The following OR2T4 variants were observed in gnomAD, a reference collection of about 807,000 sequenced individuals.
OR2T4 encodes olfactory receptor family 2 subfamily T member 4, also known as olfactory receptor 2T4.
For synonymous variants in OR2T4, 149 were observed against 145.6 expected, an observed-to-expected ratio of 1.02 and a Z score of -0.17; for missense variants, 374 against 395.6, an observed-to-expected ratio of 0.95 and a Z score of 0.46.
At position 248,362,055 on chromosome 1, in the gene OR2T4, T is replaced by G. The variant is rs1226140208; in HGVS notation, c.391T>G (p.Cys131Gly). 1 of 1,614,050 alleles carries G rather than the reference T, an allele frequency of 6.2e-7. No individual in the cohort carries two copies. Among genetic ancestry groups the G allele is most frequent in the Non-Finnish European group, 8.5e-7 (1 of 1,180,034 alleles). Residue 131 changes from cysteine to glycine, a missense_variant, in exon 1 of 1, where the codon TGC becomes GGC. By Grantham distance (159) the Cys-to-Gly change is radical. Coordinates refer to ENST00000366473, the MANE Select transcript of OR2T4 (RefSeq NM_001004696.2). ...TMAYDRYVAI[C>G]HPLRYPVLMN... ...GGCCTATGACCGCTACGTGGCCATC[T>G]GCCATCCTCTCCGTTACCCTGTCCT... is the stretch of plus-strand genomic sequence containing the variant.
chr1:248,361,893 T>C lies in OR2T4; in HGVS notation c.229T>C (p.Tyr77His), dbSNP rs752112500. The change falls in exon 1 of 1, where the codon TAC becomes CAC. Residue 77 changes from tyrosine to histidine, a missense_variant. Coordinates refer to ENST00000366473, the MANE Select transcript of OR2T4 (RefSeq NM_001004696.2). ...ISQLSLMDMA[Y>H]ISVTVPKMLL... The stretch of plus-strand genomic sequence containing the variant: ...TCAATTGTCTCTCATGGACATGGCG[T>C]ACATTTCTGTCACTGTGCCCAAGAT... 6.2e-7 allele frequency: 1 copy of C among 1,614,152 alleles called. No individual in the cohort carries two copies.
In OR2T4 at chr1:248,362,355, G is replaced by C. The variant is rs28718027; in HGVS notation, c.691G>C (p.Gly231Arg). The change falls in exon 1 of 1, where the codon GGG becomes CGG. Residue 231 changes from glycine to arginine, a missense_variant. Coordinates refer to ENST00000366473, the MANE Select transcript of OR2T4 (RefSeq NM_001004696.2). ...TTTACTCATCCTCCTCACCATCCAC[G>C]GGATGAACTCAGCAGAGGGCCGGAA... ...SYLLILLTIH[G>R]MNSAEGRKKA... 5 of 1,613,636 alleles carry C rather than the reference G, an allele frequency of 3.1e-6. No individual in the cohort carries two copies. In the South Asian group the frequency reaches 5.5e-5, roughly 18 times the overall value.
At position 248,362,550 on chromosome 1, in the gene OR2T4, CTT is replaced by C; in HGVS notation, c.887_888del (p.Leu296GlnfsTer3). 6.2e-7 allele frequency: 1 copy of C among 1,614,126 alleles called. No homozygotes were observed. Among genetic ancestry groups the C allele is most frequent in the African/African-American group, 1.3e-5 (1 of 75,034 alleles). ...TPVVNPLIYS[L>X]RNKDVMGALK... ...AGTGGTGAACCCTTTAATCTATAGT[CTT>C]AGGAATAAGGATGTCATGGGGGCTC... On this transcript the variant is annotated frameshift_variant, in exon 1 of 1. Transcript: ENST00000366473. LOFTEE classifies it low-confidence loss of function (END_TRUNC).
At position 248,362,525 on chromosome 1, in the gene OR2T4, A is replaced by T. The variant is rs779415898; in HGVS notation, c.861A>T (p.Pro287=). 1 of 1,614,194 alleles carries T rather than the reference A, an allele frequency of 6.2e-7. No homozygotes were observed. Among genetic ancestry groups the T allele is most frequent in the South Asian group, 1.1e-5 (1 of 91,082 alleles). The change falls in exon 1 of 1, where the codon CCA becomes CCT. Residue 287 remains proline (P), a synonymous_variant. Transcript: ENST00000366473. Reference sequence around the variant, plus strand: ...CTGTCTTCTATACCATCCTCACTCCAGTGGTGAACCCTTTAATCTATAGTC... The same window carrying T: ...CTGTCTTCTATACCATCCTCACTCCTGTGGTGAACCCTTTAATCTATAGTC... ...MVSVFYTILT[P]VVNPLIYSLR... is the part of the protein sequence containing the mutation.
In OR2T4 at chr1:248,362,586, A is replaced by G. The variant is rs201310603; in HGVS notation, c.922A>G (p.Met308Val). ...NKDVMGALKKMLTVEPAFQKA... is the reference protein window; with the variant it reads ...NKDVMGALKKVLTVEPAFQKA... ...GGATGTCATGGGGGCTCTGAAGAAAATGTTAACAGTGGAACCTGCCTTTCA... is the reference window on the plus strand; with the variant it reads ...GGATGTCATGGGGGCTCTGAAGAAAGTGTTAACAGTGGAACCTGCCTTTCA... The change falls in exon 1 of 1, where the codon ATG (methionine) becomes GTG (valine). Residue 308 changes from methionine (M) to valine (V), a missense_variant. Transcript: ENST00000366473. 1.2e-3 allele frequency: 1,885 copies of G among 1,614,164 alleles called. 44 individuals carry two copies. In the South Asian group the frequency reaches 0.02, roughly 17 times the overall value.
At position 248,362,291 on chromosome 1, in the gene OR2T4, C is replaced by T; in HGVS notation, c.627C>T (p.Leu209=). 6.2e-7 allele frequency: 1 copy of T among 1,614,166 alleles called. No homozygotes were observed. The highest frequency in any genetic ancestry group is 8.5e-7 in the Non-Finnish European group (1 of 1,180,008). ...YEIFMYLCCV[L]MLLIPVVIIS... is the part of the protein sequence containing the mutation. ...TTTTCATGTACTTGTGCTGTGTCCT[C>T]ATGCTCCTCATCCCTGTGGTGATCA... The change falls in exon 1 of 1, where the codon CTC becomes CTT. Residue 209 remains leucine (L), a synonymous_variant. Coordinates refer to ENST00000366473, the MANE Select transcript of OR2T4 (RefSeq NM_001004696.2).
Position 248,361,773 on chromosome 1 carries a change from G to T in OR2T4, c.109G>T (p.Val37Leu), listed in dbSNP as rs775878672. 6.2e-7 allele frequency: 1 copy of T among 1,613,654 alleles called. No individual in the cohort carries two copies. Among genetic ancestry groups the T allele is most frequent in the Non-Finnish European group, 8.5e-7 (1 of 1,179,838 alleles). The change falls in exon 1 of 1, where the codon GTG becomes TTG. Residue 37 changes from valine (V) to leucine (L), a missense_variant. Coordinates refer to ENST00000366473, the MANE Select transcript of OR2T4 (RefSeq NM_001004696.2). ...HPALLCVVIF[V>L]VFLMALSGNA... is the part of the protein sequence containing the mutation. ...AGCACTACTTTGTGTGGTCATTTTT[G>T]TGGTTTTCCTGATGGCGTTGTCTGG... is the stretch of plus-strand genomic sequence containing the variant.
chr1:248,361,865 C>A lies in OR2T4; in HGVS notation c.201C>A (p.Ile67=). The change falls in exon 1 of 1, where the codon ATC becomes ATA. Residue 67 remains isoleucine, a synonymous_variant. Transcript: ENST00000366473. ...TCCACACCCCCATGTACTTTTTCATCAGTCAATTGTCTCTCATGGACATGG... is the reference window on the plus strand; with the variant it reads ...TCCACACCCCCATGTACTTTTTCATAAGTCAATTGTCTCTCATGGACATGG... ...AHLHTPMYFF[I]SQLSLMDMAY... is the part of the protein sequence containing the mutation. 2 of 1,614,106 alleles carry A rather than the reference C, an allele frequency of 1.2e-6. No homozygotes were observed. Among genetic ancestry groups the A allele is most frequent in the Non-Finnish European group, 1.7e-6 (2 of 1,180,010 alleles).
rs148034380 is a variant in OR2T4, at chr1:248,362,170, C to T, written c.506C>T (p.Thr169Ile). Residue 169 changes from threonine (T) to isoleucine (I), a missense_variant, in exon 1 of 1, where the codon ACC (threonine) becomes ATC (isoleucine). Physicochemically the swap from Thr to Ile is moderately conservative, Grantham distance 89. Coordinates refer to ENST00000366473, the MANE Select transcript of OR2T4 (RefSeq NM_001004696.2). ...TTCACATTCACTCCCATCACCATGA[C>T]CTTCCCCTTCCGTGGATCCCGGGAG... ...DGFTFTPITM[T>I]FPFRGSREIH... 1 of 1,614,060 alleles carries T rather than the reference C, an allele frequency of 6.2e-7. No individual in the cohort carries two copies. Among genetic ancestry groups the T allele is most frequent in the African/African-American group, 1.3e-5 (1 of 74,904 alleles).
In OR2T4 at chr1:248,361,859, T is replaced by G; in HGVS notation, c.195T>G (p.Phe65Leu). ...CDAHLHTPMY[F>L]FISQLSLMDM... ...CCCACCTCCACACCCCCATGTACTT[T>G]TTCATCAGTCAATTGTCTCTCATGG... Residue 65 changes from phenylalanine (F) to leucine (L), a missense_variant, in exon 1 of 1, where the codon TTT becomes TTG. By Grantham distance (22) the Phe-to-Leu change is conservative. Transcript: ENST00000366473. 1 of 1,614,146 alleles carries G rather than the reference T, an allele frequency of 6.2e-7. No individual in the cohort carries two copies. Among genetic ancestry groups the G allele is most frequent in the East Asian group, 2.2e-5 (1 of 44,878 alleles).
Position 248,362,342 on chromosome 1 carries a change from C to T in OR2T4, c.678C>T (p.Leu226=), listed in dbSNP as rs374700683. 22 of 1,613,912 alleles carry T rather than the reference C, an allele frequency of 1.4e-5. No individual in the cohort carries two copies. Among genetic ancestry groups the T allele is most frequent in the Middle Eastern group, 1.6e-4 (1 of 6,084 alleles). The change falls in exon 1 of 1, where the codon CTC becomes CTT. Residue 226 remains leucine (L), a synonymous_variant. Transcript: ENST00000366473. ...VIISSSYLLI[L]LTIHGMNSAE... ...TTTCAAGCTCCTATTTACTCATCCT[C>T]CTCACCATCCACGGGATGAACTCAG... is the stretch of plus-strand genomic sequence containing the variant.
rs777310625 is a variant in OR2T4, at chr1:248,362,026, C to T, written c.362C>T (p.Thr121Ile). Residue 121 changes from threonine to isoleucine, a missense_variant, in exon 1 of 1, where the codon ACC becomes ATC. Physicochemically the swap from Thr to Ile is moderately conservative, Grantham distance 89 (BLOSUM62 -1). Transcript: ENST00000366473. The stretch of plus-strand genomic sequence containing the variant: ...GGTTCAGAATTTTTCCTTCTAGCCA[C>T]CATGGCCTATGACCGCTACGTGGCC... ...LAGSEFFLLA[T>I]MAYDRYVAIC... 74 of 1,611,570 alleles carry T rather than the reference C, an allele frequency of 4.6e-5. No homozygotes were observed. Among genetic ancestry groups the T allele is most frequent in the Non-Finnish European group, 6.1e-5 (72 of 1,178,798 alleles).
chr1:248,362,484 A>G lies in OR2T4; in HGVS notation c.820A>G (p.Lys274Glu). Residue 274 changes from lysine (K) to glutamate (E), a missense_variant, in exon 1 of 1, where the codon AAG becomes GAG. Transcript: ENST00000366473. ...MLPSSYHTPE[K>E]DMMVSVFYTI... ...CCCCAGCTCCTACCACACCCCTGAG[A>G]AGGACATGATGGTATCTGTCTTCTA... is the stretch of plus-strand genomic sequence containing the variant. 3 of 1,614,140 alleles carry G rather than the reference A, an allele frequency of 1.9e-6. No individual in the cohort carries two copies. The highest frequency in any genetic ancestry group is 2.5e-6 in the Non-Finnish European group (3 of 1,180,012).
In OR2T4 at chr1:248,361,724, A is replaced by G. The variant is rs764609612; in HGVS notation, c.60A>G (p.Gly20=). Residue 20 remains glycine (G), a synonymous_variant, in exon 1 of 1, where the codon GGA becomes GGG. Coordinates refer to ENST00000366473, the MANE Select transcript of OR2T4 (RefSeq NM_001004696.2). ...GATGGTCGGATTTCATCCTGTTGGG[A>G]CTCTTCAGACAATCCAAACATCCAG... ...HTGWSDFILL[G]LFRQSKHPAL... 6.4e-7 allele frequency: 1 copy of G among 1,572,484 alleles called. No homozygotes were observed.
At position 248,361,724 on chromosome 1, in the gene OR2T4, A is replaced by T. The variant is rs764609612; in HGVS notation, c.60A>T (p.Gly20=). ...HTGWSDFILL[G]LFRQSKHPAL... ...GATGGTCGGATTTCATCCTGTTGGG[A>T]CTCTTCAGACAATCCAAACATCCAG... The change falls in exon 1 of 1, where the codon GGA becomes GGT. Residue 20 remains glycine, a synonymous_variant. Transcript: ENST00000366473. The T allele has an allele frequency of 1.3e-6, 2 of 1,572,600 alleles. No homozygotes were observed. Among genetic ancestry groups the T allele is most frequent in the South Asian group, 2.4e-5 (2 of 84,938 alleles).
In OR2T4 at chr1:248,362,131, G is replaced by T; in HGVS notation, c.467G>T (p.Gly156Val). ...CTGTCATCAGGCTGCTGGTTCCTGG[G>T]CTCAGTGGATGGCTTCACATTCACT... is the stretch of plus-strand genomic sequence containing the variant. ...LFLSSGCWFLGSVDGFTFTPI... is the reference protein window; with the variant it reads ...LFLSSGCWFLVSVDGFTFTPI... The change falls in exon 1 of 1, where the codon GGC (glycine) becomes GTC (valine). Residue 156 changes from glycine to valine, a missense_variant. By Grantham distance (109) the Gly-to-Val change is moderately radical. Transcript: ENST00000366473. 2 of 1,614,150 alleles carry T rather than the reference G, an allele frequency of 1.2e-6. No individual in the cohort carries two copies. The highest frequency in any genetic ancestry group is 2.2e-5 in the South Asian group (2 of 91,078).
In OR2T4 at chr1:248,362,333, A is replaced by C. The variant is rs1306520099; in HGVS notation, c.669A>C (p.Leu223Phe). Reference protein sequence around the residue: ...IPVVIISSSYLLILLTIHGMN... With the variant: ...IPVVIISSSYFLILLTIHGMN... ...TGGTGATCATTTCAAGCTCCTATTT[A>C]CTCATCCTCCTCACCATCCACGGGA... is the stretch of plus-strand genomic sequence containing the variant. The change falls in exon 1 of 1, where the codon TTA becomes TTC. Residue 223 changes from leucine (L) to phenylalanine (F), a missense_variant. Coordinates refer to ENST00000366473, the MANE Select transcript of OR2T4 (RefSeq NM_001004696.2). 1 of 1,579,336 alleles carries C rather than the reference A, an allele frequency of 6.3e-7. No individual in the cohort carries two copies. The highest frequency in any genetic ancestry group is 8.6e-7 in the Non-Finnish European group (1 of 1,161,044).
Position 248,361,990 on chromosome 1 carries a change from T to G in OR2T4, c.326T>G (p.Val109Gly). The G allele has an allele frequency of 1.9e-6, 3 of 1,604,948 alleles. No homozygotes were observed. The highest frequency in any genetic ancestry group is 2.5e-6 in the Non-Finnish European group (3 of 1,179,452). ...TGTGGGATGCAGATGTTCTTCTACG[T>G]GACACTAGCAGGTTCAGAATTTTTC... is the stretch of plus-strand genomic sequence containing the variant. ...PECGMQMFFY[V>G]TLAGSEFFLL... The change falls in exon 1 of 1, where the codon GTG becomes GGG. Residue 109 changes from valine (V) to glycine (G), a missense_variant. By Grantham distance (109) the Val-to-Gly change is moderately radical. Transcript: ENST00000366473.
chr1:248,362,058 C>G lies in OR2T4; in HGVS notation c.394C>G (p.His132Asp), dbSNP rs199949879. The G allele has an allele frequency of 6.1e-5, 98 of 1,614,004 alleles. No homozygotes were observed. The highest frequency in any genetic ancestry group is 8.3e-5 in the Admixed American group (5 of 59,998). Residue 132 changes from histidine (H) to aspartate (D), a missense_variant, in exon 1 of 1, where the codon CAT becomes GAT. Coordinates refer to ENST00000366473, the MANE Select transcript of OR2T4 (RefSeq NM_001004696.2). ...CTATGACCGCTACGTGGCCATCTGC[C>G]ATCCTCTCCGTTACCCTGTCCTCAT... is the stretch of plus-strand genomic sequence containing the variant. ...MAYDRYVAIC[H>D]PLRYPVLMNH...
Sources: allele counts gnomAD v4.1 joint callset, GRCh38; gene constraint gnomAD v4.1.1; transcripts MANE v1.5; gene names NCBI Gene and HGNC (gene_info 2026-07-23, HGNC 2026-07-21).